The following FAT1 variants were observed in gnomAD, a reference collection of about 807,000 sequenced individuals.
FAT1 encodes the protein protocadherin Fat 1.
FAT1 carries 171 observed loss-of-function variants against 329.8 expected under a neutral mutation model. The ratio of observed to expected loss-of-function variants is 0.52; its 90% CI spans 0.46 to 0.59. FAT1 has a LOEUF of 0.59. Ranked by LOEUF, FAT1 falls within the 20% of genes least tolerant of loss-of-function variation. The probability of loss-of-function intolerance (pLI) is 0.00; values close to 1 mark genes in which losing one functional copy is unlikely to be tolerated. For missense variants in FAT1, 5,672 were observed against 5,774.4 expected (o/e 0.98, Z 0.57); for synonymous variants, 2,233 against 2,228.6 (o/e 1.00, Z -0.06).
Position 186,588,734 on chromosome 4 carries a change from G to T in FAT1, c.13625C>A (p.Ser4542Tyr), listed in dbSNP as rs1346306262. 3 of 1,613,992 alleles carry T rather than the reference G, an allele frequency of 1.9e-6. No homozygotes were observed. In the Admixed American group the frequency reaches 5.0e-5, roughly 27 times the overall value. ...TGACACGTCAGAGCAGGAGGCGGTG[G>T]AGGCGTACACAGACATGGGCATGCT... ...VESMPMSVYA[S>Y]TASCSDVSAC... The change falls in exon 27 of 27, where the codon TCC becomes TAC. Residue 4542 changes from serine to tyrosine, a missense_variant. Around this residue, in one of 2 missense-constraint regions of FAT1, gnomAD observed 1,706 missense variants for 1,859.1 expected, o/e 0.92. Coordinates refer to ENST00000441802, the MANE Select transcript of FAT1 (RefSeq NM_005245.4).
rs1336474278 is a variant in FAT1 at position 186,619,699 on chromosome 4, G to C, written c.6887C>G (p.Ser2296Cys). 6.2e-7 allele frequency: 1 copy of C among 1,614,000 alleles called. No homozygotes were observed. Among genetic ancestry groups the C allele is most frequent in the South Asian group, 1.1e-5 (1 of 91,078 alleles). ...TTGAACAACAGACGTTCCAATTACA[G>C]ATGCCTCAGACAGGGTCACCGCATA... ...QSYAVTLSEA[S>C]VIGTSVVQVR... The change falls in exon 10 of 27, where the codon TCT becomes TGT. Residue 2296 changes from serine to cysteine, a missense_variant. This residue lies in a region of FAT1 where 3,966 missense variants were observed against 3,915.2 expected (regional missense o/e 1.01). Coordinates refer to ENST00000441802, the MANE Select transcript of FAT1 (RefSeq NM_005245.4).
chr4:186,721,863 TC>T, intron 1 of FAT1, among the ~76,000 whole-genome samples: 1 of 152,042 alleles, frequency 6.6e-6, no homozygotes, highest in African/African-American at 2.4e-5. Flanking sequence ...CTCTTCTTTT[TC>T]TTTTCTTTTT....
In FAT1 at chr4:186,706,889, C is replaced by A. The variant is rs1412271283; in HGVS notation, c.2939G>T (p.Ser980Ile). 1 of 1,613,888 alleles carries A rather than the reference C, an allele frequency of 6.2e-7. No individual in the cohort carries two copies. Among genetic ancestry groups the A allele is most frequent in the Non-Finnish European group, 8.5e-7 (1 of 1,179,900 alleles). Residue 980 changes from serine (S) to isoleucine (I), a missense_variant, in exon 2 of 27, where the codon AGT becomes ATT. Physicochemically the swap from Ser to Ile is moderately radical, Grantham distance 142 (BLOSUM62 -2). Around this residue, in one of 2 missense-constraint regions of FAT1, gnomAD observed 3,966 missense variants for 3,915.2 expected, o/e 1.01. Coordinates refer to ENST00000441802, the MANE Select transcript of FAT1 (RefSeq NM_005245.4). ...CTGCTGGACGATCCTAACTGCTCCA[C>A]TGAGTTTATCCACATCGAAGTTTCC... Reference protein sequence around the residue: ...GEGNFDVDKLSGAVRIVQQLD... With the variant: ...GEGNFDVDKLIGAVRIVQQLD...
At chr4:186,699,685 CTG>C (rs1744207447) in intron 2 of FAT1, among the ~76,000 whole-genome samples, 1 of 135,698 alleles carries the variant, frequency 7.4e-6, no homozygotes, top group African/African-American at 3.1e-5. Context: ...GCAGCATGGT[CTG>C]CTGTTTGAAA....
At chr4:186,608,297 C>CT (rs1739237999) in intron 16 of FAT1, among the ~76,000 whole-genome samples, 1 of 152,186 alleles carries the variant, frequency 6.6e-6, no homozygotes, top group Admixed American at 6.5e-5. Context: ...CTCCCAAACA[C>CT]TTTAAGTCAT....
intron 3 of FAT1, among the ~76,000 whole-genome samples, chr4:186,649,119 CAA>C (rs869263070): frequency 7.6e-6 from 1 of 131,886 alleles, no homozygotes; most frequent in Non-Finnish European, 1.8e-5. Flanking sequence ...AAAAATGCAA[CAA>C]AGAAGTGGCC....
intron 16 of FAT1, among the ~76,000 whole-genome samples, chr4:186,607,536 T>A (rs1739208901): frequency 6.6e-6 from 1 of 151,300 alleles, no homozygotes; most frequent in Non-Finnish European, 1.5e-5. Context: ...GGTGGGTAGG[T>A]GGATGGATGG....
In FAT1 at chr4:186,609,303, G is replaced by A. The variant is rs201374603; in HGVS notation, c.10086C>T (p.Ala3362=). The change falls in exon 16 of 27, where the codon GCC becomes GCT. Residue 3362 remains alanine, a synonymous_variant. Coordinates refer to ENST00000441802, the MANE Select transcript of FAT1 (RefSeq NM_005245.4). ...QSVITVMADD[A]DGPSNSHIHY... The stretch of plus-strand genomic sequence containing the variant: ...GGATGTGGCTGTTGGAAGGTCCATC[G>A]GCATCATCGGCCATAACCTAGAACA... 9.8e-5 allele frequency: 158 copies of A among 1,613,916 alleles called. 1 individual carries two copies. The African/African-American group carries it at 1.2e-3, about 13-fold the overall frequency.
At chr4:186,595,955 A>T in intron 25 of FAT1, 129 bp from the exon 26 acceptor site, 1 of 958,410 alleles carries the variant, frequency 1.0e-6, no homozygotes, top group South Asian at 1.7e-5. Context: ...TGACTGAAAG[A>T]AAAACAGAAA....
chr4:186,701,864 C>T (rs555636047), intron 2 of FAT1, among the ~76,000 whole-genome samples: 1 of 152,368 alleles, frequency 6.6e-6, no homozygotes, highest in South Asian at 2.1e-4. Context: ...TGACTGAGGT[C>T]AACAATCAGG....
rs2126388097 is a variant in FAT1, at chr4:186,596,667, A to G, written c.12873T>C (p.Ser4291=). Residue 4291 remains serine (S), a synonymous_variant, in exon 25 of 27, where the codon TCT becomes TCC. Transcript: ENST00000441802. The surrounding 1 kb of genome is among the most constrained non-coding windows in gnomAD (Gnocchi z 4.7). ...HPEFSTFNPE[S]VHGHRKAVAV... is the part of the protein sequence containing the mutation. ...CCACTGCTTTTCGGTGCCCGTGCAC[A>G]GACTCGGGGTTAAAAGTGCTGAATT... is the stretch of plus-strand genomic sequence containing the variant. 1 of 1,612,218 alleles carries G rather than the reference A, an allele frequency of 6.2e-7. No homozygotes were observed. The highest frequency in any genetic ancestry group is 8.5e-7 in the Non-Finnish European group (1 of 1,178,754).
intron 2 of FAT1, 84 bp downstream of exon 2, chr4:186,706,479 G>C: frequency 7.0e-7 from 1 of 1,424,522 alleles, no homozygotes; most frequent in Non-Finnish European, 9.4e-7. Flanking sequence ...AGGGAATTTT[G>C]AAGAAGCTGC....
chr4:186,677,013 GC>G (rs1286624710), intron 2 of FAT1, among the ~76,000 whole-genome samples: 5 of 152,016 alleles, frequency 3.3e-5, no homozygotes, highest in Non-Finnish European at 7.4e-5. Context: ...TGTATAAGCT[GC>G]CCCCCTGCCC....
At chr4:186,612,752 A>G (rs923711769) in intron 13 of FAT1, among the ~76,000 whole-genome samples, 2 of 152,216 alleles carry the variant, frequency 1.3e-5, no homozygotes, top group Admixed American at 1.3e-4. Context: ...TAAACCTATC[A>G]TAAAGCATTT....
chr4:186,680,852 T>C (rs1324447277), intron 2 of FAT1, among the ~76,000 whole-genome samples: 2 of 152,174 alleles, frequency 1.3e-5, no homozygotes, highest in Non-Finnish European at 1.5e-5. Flanking sequence ...CACGCTTGCA[T>C]TAACACAAAT....
At chr4:186,724,358 A>C (rs1201498221), upstream of FAT1, among the ~76,000 whole-genome samples, 3 of 152,016 alleles carry the variant, frequency 2.0e-5, no homozygotes, top group South Asian at 6.2e-4. This position sits in a 1 kb window ranked among gnomAD's most constrained non-coding sequence, Gnocchi z 5.3. Context: ...AAAGGAATGC[A>C]GCTAGGTCGG....
intron 2 of FAT1, among the ~76,000 whole-genome samples, chr4:186,672,403 A>T (rs1419249045): frequency 2.0e-5 from 3 of 152,130 alleles, no homozygotes; most frequent in African/African-American, 7.2e-5. Flanking sequence ...AAATACAGTA[A>T]ATCATGTATA....
At chr4:186,606,481 G>C (rs1014033773) in intron 16 of FAT1, among the ~76,000 whole-genome samples, 2 of 152,108 alleles carry the variant, frequency 1.3e-5, no homozygotes, top group African/African-American at 4.8e-5. Context: ...TTATCTTGCA[G>C]TTCTATTAAC....
At chr4:186,605,133 T>G (rs1218628435) in intron 17 of FAT1, among the ~76,000 whole-genome samples, 3 of 150,488 alleles carry the variant, frequency 2.0e-5, no homozygotes, top group Non-Finnish European at 3.0e-5. Context: ...GGAGAACTGT[T>G]TGAAGCCAGG....
Sources: allele counts gnomAD v4.1 joint callset (sites outside exome capture counted in the v4.1 genomes callset), GRCh38; gene constraint gnomAD v4.1.1; regional missense constraint gnomAD v4.1.1; non-coding constraint Gnocchi (gnomAD v3.1); transcripts MANE v1.5; gene names NCBI Gene and HGNC (gene_info 2026-07-23, HGNC 2026-07-21).